Variants in VSTM2L observed in about 807,000 individuals in gnomAD.
VSTM2L encodes the protein V-set and transmembrane domain containing 2 like.
VSTM2L carries 9 observed loss-of-function variants against 19.9 expected under a neutral mutation model. The ratio of observed to expected loss-of-function variants is 0.45; its 90% CI spans 0.27 to 0.79. VSTM2L has a LOEUF of 0.79. Ranked by LOEUF, VSTM2L falls within the 30% of genes least tolerant of loss-of-function variation. The pLI is 0.15. For synonymous variants in VSTM2L, 127 were observed against 133.8 expected, an observed-to-expected ratio of 0.95 and a Z score of 0.35; for missense variants, 286 against 295.5, an observed-to-expected ratio of 0.97 and a Z score of 0.24.
At chr20:37,941,809 G>GTT (rs1240857630) in intron 3 of VSTM2L, among the ~76,000 whole-genome samples, 19 of 143,974 alleles carry the variant, frequency 1.3e-4, no homozygotes, top group African/African-American at 4.3e-4. Context: ...CTGCAGGAAG[G>GTT]TTTTTTTTTT....
At chr20:37,943,871 T>G in intron 3 of VSTM2L, 110 bp from the exon 4 acceptor site, 2 of 1,178,840 alleles carry the variant, frequency 1.7e-6, no homozygotes, top group Non-Finnish European at 2.3e-6. Context: ...CTTGTGGGAG[T>G]GTTTCTGGGG....
At chr20:37,930,257 C>T (rs749177638) in intron 1 of VSTM2L, among the ~76,000 whole-genome samples, 1 of 151,894 alleles carries the variant, frequency 6.6e-6, no homozygotes, top group Non-Finnish European at 1.5e-5. Context: ...GCATCACCTT[C>T]GGTATCCTGG....
chr20:37,932,968 G>A (rs969573363), intron 2 of VSTM2L, among the ~76,000 whole-genome samples: 2 of 152,240 alleles, frequency 1.3e-5, no homozygotes, highest in Non-Finnish European at 2.9e-5. Context: ...GCTCCTGGGG[G>A]TGTCAGCTCC....
intron 1 of VSTM2L, among the ~76,000 whole-genome samples, chr20:37,915,790 G>C (rs2072815160): frequency 6.6e-6 from 1 of 152,026 alleles, no homozygotes; most frequent in African/African-American, 2.4e-5. Flanking sequence ...ACCGAGGCCA[G>C]GTTCTGGTCA....
At chr20:37,922,902 C>T (rs1364870372) in intron 1 of VSTM2L, among the ~76,000 whole-genome samples, 3 of 151,328 alleles carry the variant, frequency 2.0e-5, no homozygotes, top group Non-Finnish European at 2.9e-5. Context: ...CTGCAGGGCC[C>T]ACGCGTGAGT....
At chr20:37,924,046 G>A (rs2072866615) in intron 1 of VSTM2L, among the ~76,000 whole-genome samples, 1 of 152,170 alleles carries the variant, frequency 6.6e-6, no homozygotes, top group African/African-American at 2.4e-5. Flanking sequence ...AAACAAGCCT[G>A]GGCAAGATAG....
At chr20:37,905,369 G>T (rs2072746254) in intron 1 of VSTM2L, among the ~76,000 whole-genome samples, 1 of 152,094 alleles carries the variant, frequency 6.6e-6, no homozygotes, top group Non-Finnish European at 1.5e-5. Context: ...TATTCCCAAG[G>T]CCCCAAGGTG....
In VSTM2L at chr20:37,903,229, G is replaced by A. The variant is rs2122924183; in HGVS notation, c.-122G>A. On this transcript the variant is annotated 5_prime_UTR_variant, in exon 1 of 4. Coordinates refer to ENST00000373461, the MANE Select transcript of VSTM2L (RefSeq NM_080607.3). Reference sequence around the variant, plus strand: ...GCTGGGCCGGGTCCGGGGACAGCGGGCGAGGGGCAGCTGCCGGAGCCGGGC... The same window carrying A: ...GCTGGGCCGGGTCCGGGGACAGCGGACGAGGGGCAGCTGCCGGAGCCGGGC... 1.7e-6 allele frequency: 2 copies of A among 1,189,424 alleles called. No individual in the cohort carries two copies. The highest frequency in any genetic ancestry group is 2.1e-6 in the Non-Finnish European group (2 of 948,980). The allele number at this position is 1,189,424 out of a possible 1,614,324, so 73.7% of individuals were successfully genotyped here.
chr20:37,905,804 CACTT>C (rs1177415685), intron 1 of VSTM2L, among the ~76,000 whole-genome samples: 14 of 152,214 alleles, frequency 9.2e-5, no homozygotes, highest in Admixed American at 9.2e-4. Flanking sequence ...TGGAGCCACT[CACTT>C]AATCACAAAA....
intron 1 of VSTM2L, among the ~76,000 whole-genome samples, chr20:37,906,428 G>T (rs1248095802): frequency 6.6e-6 from 1 of 152,196 alleles, no homozygotes; most frequent in Non-Finnish European, 1.5e-5. Flanking sequence ...TTTCTTATCA[G>T]AAAATGTTAA....
intron 1 of VSTM2L, among the ~76,000 whole-genome samples, chr20:37,926,950 G>C (rs1271934304): frequency 6.6e-6 from 1 of 152,208 alleles, no homozygotes; most frequent in Non-Finnish European, 1.5e-5. Context: ...ACACAAAAAA[G>C]AGTGGAACAT....
intron 3 of VSTM2L, among the ~76,000 whole-genome samples, chr20:37,933,898 C>T (rs2072924886): frequency 6.6e-6 from 1 of 152,216 alleles, no homozygotes; most frequent in African/African-American, 2.4e-5. Flanking sequence ...CCAATGAGGT[C>T]TGATGAGCCT....
At chr20:37,916,943 G>T (rs1486099978) in intron 1 of VSTM2L, among the ~76,000 whole-genome samples, 1 of 152,136 alleles carries the variant, frequency 6.6e-6, no homozygotes, top group African/African-American at 2.4e-5. Context: ...GTTTCCTTCT[G>T]GGGGGAAGAC....
At chr20:37,914,270 G>A (rs2072798244) in intron 1 of VSTM2L, among the ~76,000 whole-genome samples, 2 of 149,282 alleles carry the variant, frequency 1.3e-5, no homozygotes, top group African/African-American at 4.9e-5. Flanking sequence ...TGTATGTGTG[G>A]TGTCTGTGTG....
chr20:37,927,899 A>C (rs927687049), intron 1 of VSTM2L, among the ~76,000 whole-genome samples: 1 of 152,164 alleles, frequency 6.6e-6, no homozygotes, highest in Non-Finnish European at 1.5e-5. Context: ...GTCTGGGAGA[A>C]GGAGGCATGC....
chr20:37,944,003 A>G lies in VSTM2L; in HGVS notation c.365A>G (p.Asn122Ser). The G allele has an allele frequency of 6.5e-7, 1 of 1,549,960 alleles. No individual in the cohort carries two copies. Among genetic ancestry groups the G allele is most frequent in the Non-Finnish European group, 8.8e-7 (1 of 1,137,118 alleles). Residue 122 changes from asparagine to serine, a missense_variant, in exon 4 of 4, where the codon AAC becomes AGC. Coordinates refer to ENST00000373461, the MANE Select transcript of VSTM2L (RefSeq NM_080607.3). ...CAGGTGGTCAAGGTGGTGGGCAGCA[A>G]CATCTCCCACAAGCTGCGCCTGTCC... Reference protein sequence around the residue: ...KISVVKVVGSNISHKLRLSRV... With the variant: ...KISVVKVVGSSISHKLRLSRV...
chr20:37,928,560 G>A (rs1392185771), intron 1 of VSTM2L, among the ~76,000 whole-genome samples: 1 of 152,214 alleles, frequency 6.6e-6, no homozygotes, highest in Non-Finnish European at 1.5e-5. Context: ...TTCAAGTCCA[G>A]CCTGGGCAAA....
intron 3 of VSTM2L, among the ~76,000 whole-genome samples, chr20:37,936,315 G>A (rs1166414429): frequency 6.6e-6 from 1 of 152,184 alleles, no homozygotes; most frequent in Non-Finnish European, 1.5e-5. Context: ...AGCTGAGCCA[G>A]GCAGGGACCT....
chr20:37,943,529 C>G (rs767246013), intron 3 of VSTM2L, among the ~76,000 whole-genome samples: 1 of 151,170 alleles, frequency 6.6e-6, no homozygotes, highest in African/African-American at 2.4e-5. Flanking sequence ...GTGTTCTGCC[C>G]TAGGGTCTAC....
Sources: allele counts gnomAD v4.1 joint callset (sites outside exome capture counted in the v4.1 genomes callset), GRCh38; gene constraint gnomAD v4.1.1; transcripts MANE v1.5; gene names NCBI Gene and HGNC (gene_info 2026-07-23, HGNC 2026-07-21).